TTC6: variants seen among roughly 807,000 people sequenced by gnomAD.
TTC6 encodes the protein tetratricopeptide repeat domain 6, also known as tetratricopeptide repeat protein 6.
A neutral mutation model predicts 210.4 loss-of-function variants in TTC6; 172 were observed. That is an observed-to-expected ratio of 0.82 (90% confidence interval 0.72 to 0.93). The LOEUF is 0.93. TTC6 is among the 40% of genes least tolerant of loss of function. TTC6 has a pLI of 0.00. For missense variants in TTC6, 2,414 were observed against 2,318.1 expected (o/e 1.04, Z -0.85); for synonymous variants, 804 against 819.6 (o/e 0.98, Z 0.32).
exon 5 of TTC6, chr14:37,701,446 G>A: frequency 6.5e-7 from 1 of 1,531,472 alleles, no homozygotes; most frequent in Non-Finnish European, 8.7e-7. Context: ...CTGCTAACAG[G>A]AAAGGCCACG....
At chr14:37,839,602 G>A (rs981762773) in intron 29 of TTC6, among the ~76,000 whole-genome samples, 1 of 152,164 alleles carries the variant, frequency 6.6e-6, no homozygotes, top group African/African-American at 2.4e-5. Flanking sequence ...TAGGTTGCCT[G>A]TTCACTCTGA....
chr14:37,755,320 C>G (rs2095964301), intron 14 of TTC6, among the ~76,000 whole-genome samples: 1 of 152,080 alleles, frequency 6.6e-6, no homozygotes, highest in Non-Finnish European at 1.5e-5. Context: ...TTCTTCCATT[C>G]TGCAGGTTGC....
At chr14:37,813,317 A>G (rs2096133976) in intron 25 of TTC6, among the ~76,000 whole-genome samples, 1 of 152,114 alleles carries the variant, frequency 6.6e-6, no homozygotes, top group African/African-American at 2.4e-5. Context: ...AATATTTTTG[A>G]GCTGTATCAC....
At chr14:37,770,346 C>A (rs967029590) in intron 14 of TTC6, among the ~76,000 whole-genome samples, 1 of 152,048 alleles carries the variant, frequency 6.6e-6, no homozygotes, top group African/African-American at 2.4e-5. Flanking sequence ...GAGTTCAATT[C>A]CTGGGTATCC....
At chr14:37,605,594 C>CA (rs950941389) in intron 1 of TTC6, among the ~76,000 whole-genome samples, 1 of 152,168 alleles carries the variant, frequency 6.6e-6, no homozygotes, top group Non-Finnish European at 1.5e-5. Context: ...ATAAACCAGG[C>CA]ATTGGTTCTC....
At chr14:37,827,399 G>A (rs2096174626) in intron 29 of TTC6, 33 bp downstream of exon 31, 1 of 1,599,946 alleles carries the variant, frequency 6.3e-7, no homozygotes, top group African/African-American at 1.3e-5. Flanking sequence ...CTTTCTTTTT[G>A]ACCTGGAATG....
At chr14:37,766,062 T>A (rs1428394821) in intron 14 of TTC6, among the ~76,000 whole-genome samples, 1 of 152,192 alleles carries the variant, frequency 6.6e-6, no homozygotes, top group Non-Finnish European at 1.5e-5. Flanking sequence ...TCATCCTGAT[T>A]GGAGTCCTTG....
chr14:37,737,524 C>G (rs35441075), intron 8 of TTC6, 136 bp from the exon 11 acceptor site: 25,522 of 467,988 alleles, frequency 0.055, 845 homozygotes, highest in Non-Finnish European at 0.069. Flanking sequence ...TGACTTCAAA[C>G]TCAGTATCTG....
intron 27 of TTC6, among the ~76,000 whole-genome samples, chr14:37,825,824 G>C (rs6571823): frequency 0.9 from 137,580 of 152,068 alleles, 62,482 homozygotes; most frequent in Non-Finnish European, 0.95. Flanking sequence ...GATTCAGTGC[G>C]AACCAAATAA....
chr14:37,668,860 G>A (rs1165752227), intron 1 of TTC6, among the ~76,000 whole-genome samples: 1 of 152,166 alleles, frequency 6.6e-6, no homozygotes, highest in Non-Finnish European at 1.5e-5. Context: ...AGGTCATTGA[G>A]TCATGAGGAA....
chr14:37,657,081 G>A (rs2095725188), intron 1 of TTC6, among the ~76,000 whole-genome samples: 2 of 151,712 alleles, frequency 1.3e-5, no homozygotes, highest in African/African-American at 4.8e-5. Context: ...GCGTAGTGGC[G>A]CATACCGGTA....
intron 1 of TTC6, among the ~76,000 whole-genome samples, chr14:37,675,101 A>G (rs1319488411): frequency 1.3e-5 from 2 of 152,170 alleles, no homozygotes; most frequent in African/African-American, 2.4e-5. Flanking sequence ...AAAATTAACC[A>G]TCTTACAGTA....
At chr14:37,790,694 T>C (rs1227753651) in intron 15 of TTC6, 23 bp from the exon 18 acceptor site, 1 of 1,520,324 alleles carries the variant, frequency 6.6e-7, no homozygotes, top group Non-Finnish European at 8.8e-7. Flanking sequence ...CTGAATGAAA[T>C]ACATTTTTTT....
intron 1 of TTC6, among the ~76,000 whole-genome samples, chr14:37,672,088 A>C (rs77540877): frequency 1.3e-5 from 2 of 152,262 alleles, no homozygotes; most frequent in African/African-American, 4.8e-5. Context: ...TGGGAATTTT[A>C]GTTTTATGGA....
intron 14 of TTC6, among the ~76,000 whole-genome samples, chr14:37,779,370 C>CA (rs5807970): frequency 2.6e-5 from 4 of 151,868 alleles, no homozygotes; most frequent in South Asian, 2.1e-4. Context: ...GCTTAGAAGT[C>CA]TTTTTTTTGG....
chr14:37,808,070 A>G (rs1360670873), intron 23 of TTC6, among the ~76,000 whole-genome samples: 1 of 152,168 alleles, frequency 6.6e-6, no homozygotes, highest in African/African-American at 2.4e-5. Context: ...TTGGTTCTTA[A>G]ACAGAAGTTA....
exon 1 of TTC6, chr14:37,622,554 C>T: frequency 1.3e-6 from 2 of 1,534,886 alleles, no homozygotes; most frequent in Non-Finnish European, 1.7e-6. Flanking sequence ...GCGCAGAGCG[C>T]GCGGGGTCTT....
chr14:37,758,361 C>T (rs2139083037), intron 14 of TTC6, among the ~76,000 whole-genome samples: 1 of 152,274 alleles, frequency 6.6e-6, no homozygotes, highest in East Asian at 1.9e-4. Context: ...AATCTGGGTT[C>T]TCCTGTATTG....
intron 14 of TTC6, among the ~76,000 whole-genome samples, chr14:37,768,601 TTGTC>T (rs1187409930): frequency 1.3e-5 from 2 of 151,796 alleles, no homozygotes; most frequent in Non-Finnish European, 2.9e-5. Context: ...GGCTCTCTGT[TTGTC>T]TGTTGTTGGT....
Sources: allele counts gnomAD v4.1 joint callset (sites outside exome capture counted in the v4.1 genomes callset), GRCh38; gene constraint gnomAD v4.1.1; transcripts MANE v1.5; gene names NCBI Gene and HGNC (gene_info 2026-07-23, HGNC 2026-07-21).